Variants in DNAJC13 observed in about 807,000 individuals in gnomAD.
DNAJC13 encodes the protein dnaJ homolog subfamily C member 13.
DNAJC13 carries 75 observed loss-of-function variants against 290.5 expected under a neutral mutation model. The ratio of observed to expected loss-of-function variants is 0.26; its 90% CI spans 0.21 to 0.31. The LOEUF is 0.31. DNAJC13 is among the 10% of genes least tolerant of loss of function. The pLI, the probability that DNAJC13 is intolerant of heterozygous loss-of-function variation, is 1.00. For synonymous variants in DNAJC13, 862 were observed against 892.0 expected, an observed-to-expected ratio of 0.97 and a Z score of 0.60; for missense variants, 2,260 against 2,674.5, an observed-to-expected ratio of 0.85 and a Z score of 3.42.
chr3:132,438,512 T>A (rs924419836), intron 2 of DNAJC13, among the ~76,000 whole-genome samples: 1 of 152,248 alleles, frequency 6.6e-6, no homozygotes, highest in Non-Finnish European at 1.5e-5. Context: ...TTTTTGGGAT[T>A]TAGGGCCTCA....
chr3:132,523,422 G>T, intron 50 of DNAJC13, 118 bp from the exon 51 acceptor site: 1 of 1,281,068 alleles, frequency 7.8e-7, no homozygotes, highest in Non-Finnish European at 1.1e-6. Flanking sequence ...CTCATAATTT[G>T]ATTATATTAT....
At chr3:132,454,356 G>A (rs888622321) in intron 9 of DNAJC13, among the ~76,000 whole-genome samples, 199 bp downstream of exon 9, 11 of 112,336 alleles carry the variant, frequency 9.8e-5, no homozygotes, top group Non-Finnish European at 1.8e-4. Context: ...GAGTCTCACT[G>A]TGTCACTCAG....
In DNAJC13 at chr3:132,505,298, C is replaced by T; in HGVS notation, c.4885-4C>T. On this transcript the variant is annotated splice_polypyrimidine_tract_variant and splice_region_variant and intron_variant, in intron 41 of 55. Coordinates refer to ENST00000260818, the MANE Select transcript of DNAJC13 (RefSeq NM_015268.4). ...TGTTATAAAACGGTAATATTGTCTC[C>T]TAGATTTTGAAGATGCTTAACAGCA... is the stretch of plus-strand genomic sequence containing the variant. The T allele has an allele frequency of 1.3e-6, 2 of 1,562,478 alleles. No homozygotes were observed. The highest frequency in any genetic ancestry group is 1.8e-6 in the Non-Finnish European group (2 of 1,139,544).
chr3:132,481,103 G>A (rs1299912541), intron 26 of DNAJC13, among the ~76,000 whole-genome samples: 1 of 152,152 alleles, frequency 6.6e-6, no homozygotes, highest in Non-Finnish European at 1.5e-5. Flanking sequence ...TTTTATAGAT[G>A]AGGAAACTAA....
At chr3:132,460,526 A>T (rs1933754309) in intron 14 of DNAJC13, among the ~76,000 whole-genome samples, 169 bp downstream of exon 14, 1 of 151,960 alleles carries the variant, frequency 6.6e-6, no homozygotes, top group Non-Finnish European at 1.5e-5. Context: ...TTGTCTTAGG[A>T]CTATATCCAT....
rs1467183832 is a variant in DNAJC13 at position 132,456,791 on chromosome 3, G to A, written c.1308G>A (p.Val436=). The A allele has an allele frequency of 6.2e-7, 1 of 1,613,718 alleles. No homozygotes were observed. Among genetic ancestry groups the A allele is most frequent in the East Asian group, 2.2e-5 (1 of 44,878 alleles). Residue 436 remains valine, a synonymous_variant, in exon 12 of 56, where the codon GTG becomes GTA. Transcript: ENST00000260818. ...AGTTCCAGGCTGTGAGGAGGCTTGT[G>A]GCATCCAAAGCTGGTTTCCTGGCTT... ...ESQFQAVRRL[V]ASKAGFLAFT...
At position 132,483,930 on chromosome 3, in the gene DNAJC13, A is replaced by G. The variant is rs186557324; in HGVS notation, c.3182+353A>G. Among the ~76,000 whole-genome samples the G allele has an allele frequency of 1.1e-3, 174 of 152,342 alleles. 1 individual carries two copies. The highest frequency in any genetic ancestry group is 6.0e-3 in the East Asian group (31 of 5,188). Reference sequence around the variant, plus strand: ...ATCTGACACGCTAGCTATTTCTGCTATAGAAGGCAAGTGTAGGCCCACGTC... The same window carrying G: ...ATCTGACACGCTAGCTATTTCTGCTGTAGAAGGCAAGTGTAGGCCCACGTC... On this transcript the variant is annotated intron_variant, in intron 28 of 55. Coordinates refer to ENST00000260818, the MANE Select transcript of DNAJC13 (RefSeq NM_015268.4).
rs1385077095 is a variant in DNAJC13, at chr3:132,499,278, G to T, written c.4309G>T (p.Ala1437Ser). 1 of 1,611,952 alleles carries T rather than the reference G, an allele frequency of 6.2e-7. No individual in the cohort carries two copies. Among genetic ancestry groups the T allele is most frequent in the African/African-American group, 1.3e-5 (1 of 74,828 alleles). ...FHTVNCSALN[A>S]EELRRENGLE... Reference sequence around the variant, plus strand: ...TACTGTCAACTGTTCAGCCCTCAATGCTGAAGAGCTCAGAAGAGAGAATGG... The same window carrying T: ...TACTGTCAACTGTTCAGCCCTCAATTCTGAAGAGCTCAGAAGAGAGAATGG... Residue 1437 changes from alanine to serine, a missense_variant, in exon 37 of 56, where the codon GCT becomes TCT. Coordinates refer to ENST00000260818, the MANE Select transcript of DNAJC13 (RefSeq NM_015268.4).
intron 22 of DNAJC13, among the ~76,000 whole-genome samples, chr3:132,475,488 A>G (rs1934440445): frequency 6.6e-6 from 1 of 151,352 alleles, no homozygotes; most frequent in Admixed American, 6.6e-5. Context: ...TTGCTGTTCT[A>G]TTAAAATATT....
At chr3:132,418,472 G>T (rs186035271) in intron 1 of DNAJC13, among the ~76,000 whole-genome samples, 58 of 152,222 alleles carry the variant, frequency 3.8e-4, no homozygotes, top group African/African-American at 1.3e-3. Flanking sequence ...CTTTTGTAGC[G>T]TGTTCCGTTA....
intron 13 of DNAJC13, chr3:132,458,094 C>G (rs933055722): frequency 6.6e-6 from 1 of 151,940 alleles, no homozygotes; most frequent in Non-Finnish European, 1.5e-5. Flanking sequence ...CAAATTGTCA[C>G]GTAAGAAATG....
Position 132,516,830 on chromosome 3 carries a change from A to T in DNAJC13, c.5673+14A>T. ...ATAGGTCCAAAGGTAGGCACAAAAT[A>T]AGTTCTTGAAAGGAAATTAATTATT... On this transcript the variant is annotated intron_variant, in intron 48 of 55. Coordinates refer to ENST00000260818, the MANE Select transcript of DNAJC13 (RefSeq NM_015268.4). The T allele has an allele frequency of 2.5e-6, 4 of 1,569,082 alleles. No homozygotes were observed. In the South Asian group the frequency reaches 4.6e-5, roughly 18 times the overall value.
intron 55 of DNAJC13, among the ~76,000 whole-genome samples, chr3:132,537,796 T>C (rs1204168563): frequency 6.6e-6 from 1 of 152,244 alleles, no homozygotes; most frequent in Non-Finnish European, 1.5e-5. Context: ...TTGTCACATA[T>C]GACTTTTGGA....
intron 2 of DNAJC13, among the ~76,000 whole-genome samples, chr3:132,444,827 C>T (rs898242296): frequency 2.0e-5 from 3 of 152,184 alleles, no homozygotes; most frequent in African/African-American, 7.2e-5. Context: ...CTAACCCTCA[C>T]TCCACTTTAA....
intron 48 of DNAJC13, 140 bp from the exon 49 acceptor site, chr3:132,522,688 A>G (rs1936127356): frequency 1.5e-6 from 1 of 669,372 alleles, no homozygotes; most frequent in Admixed American, 3.5e-5. Flanking sequence ...TTTTCACTCC[A>G]GAACTTTTAG....
At chr3:132,431,380 A>G (rs1939235445) in intron 1 of DNAJC13, among the ~76,000 whole-genome samples, 1 of 152,132 alleles carries the variant, frequency 6.6e-6, no homozygotes, top group Non-Finnish European at 1.5e-5. Context: ...GAGGGTGGTT[A>G]CAATTTAAGT....
chr3:132,460,766 T>A (rs1405657978), intron 14 of DNAJC13, among the ~76,000 whole-genome samples: 1 of 152,204 alleles, frequency 6.6e-6, no homozygotes, highest in Non-Finnish European at 1.5e-5. Context: ...CAAATATTAT[T>A]TTTTGCAAAT....
chr3:132,472,074 G>C (rs1279018044), intron 20 of DNAJC13, among the ~76,000 whole-genome samples: 1 of 150,654 alleles, frequency 6.6e-6, no homozygotes, highest in Non-Finnish European at 1.5e-5. Context: ...GCGAAACCCC[G>C]TCTCCACCAA....
rs764323610 is a variant in DNAJC13 at position 132,461,071 on chromosome 3, G to C, written c.1579G>C (p.Val527Leu). The change falls in exon 15 of 56, where the codon GTT becomes CTT. Residue 527 changes from valine to leucine, a missense_variant. By Grantham distance (32) the Val-to-Leu change is conservative (BLOSUM62 1). Coordinates refer to ENST00000260818, the MANE Select transcript of DNAJC13 (RefSeq NM_015268.4). ...TCAGGATCATGGGACTGGTGCCCTAGTTATTAGTTCGCTCTTGGACTTCCT... is the reference window on the plus strand; with the variant it reads ...TCAGGATCATGGGACTGGTGCCCTACTTATTAGTTCGCTCTTGGACTTCCT... ...SHVDHGTGAL[V>L]ISSLLDFLTF... 5.6e-6 allele frequency: 9 copies of C among 1,613,900 alleles called. No individual in the cohort carries two copies. Among genetic ancestry groups the C allele is most frequent in the Non-Finnish European group, 7.6e-6 (9 of 1,179,960 alleles).
Sources: gnomAD v4.1 joint callset for allele counts (sites outside exome capture counted in the v4.1 genomes callset) on GRCh38, gnomAD v4.1.1 for gene constraint, MANE v1.5 for transcripts, NCBI Gene and HGNC (gene_info 2026-07-23, HGNC 2026-07-21) for gene names.